Variants in CREB5 observed in about 807,000 individuals in gnomAD.
CREB5 encodes the protein cyclic AMP-responsive element-binding protein 5.
In CREB5, 19 loss-of-function variants were observed where a neutral mutation model predicts 57.1. That is an observed-to-expected ratio of 0.33 (90% CI 0.23 to 0.49). CREB5 has a LOEUF of 0.49. Among genes scored for constraint, CREB5 ranks in the 20% least tolerant of loss-of-function variants. The pLI, the probability that CREB5 is intolerant of heterozygous loss-of-function variation, is 0.99. For synonymous variants in CREB5, 238 were observed against 238.3 expected, an observed-to-expected ratio of 1.00 and a Z score of 0.01; for missense variants, 579 against 671.6, an observed-to-expected ratio of 0.86 and a Z score of 1.52.
At chr7:28,648,319 G>C (rs1049477530) in intron 5 of CREB5, among the ~76,000 whole-genome samples, 2 of 152,128 alleles carry the variant, frequency 1.3e-5, no homozygotes, top group Admixed American at 1.3e-4. Context: ...AAAGACAATG[G>C]GATTTAGCCT....
Position 28,560,911 on chromosome 7 carries a change from TGTGCGTGTGTGCGCGTGC to T in CREB5, c.292-9450_292-9433del, listed in dbSNP as rs1484507934. Reference sequence around the variant, plus strand: ...GCGTGTGTGTGCGTGCGCGCGTGCGTGTGCGTGTGTGCGCGTGCGTGTGTGCGTGCGTGTGTGTGCGTG... The same window carrying T: ...GCGTGTGTGTGCGTGCGCGCGTGCGTGTGTGTGCGTGCGTGTGTGTGCGTG... On this transcript the variant is annotated intron_variant, in intron 4 of 10. Coordinates refer to ENST00000357727, the MANE Select transcript of CREB5 (RefSeq NM_182898.4). 2.9e-3 allele frequency among the ~76,000 whole-genome samples: 104 copies of T among 36,016 alleles called. 8 individuals carry two copies. The highest frequency in any genetic ancestry group is 0.026 in the Middle Eastern group (2 of 76). 23.6% of individuals were successfully genotyped at this position (36,016 alleles called of 152,430 possible).
intron 1 of CREB5, among the ~76,000 whole-genome samples, chr7:28,454,944 C>T (rs1010271276): frequency 1.3e-5 from 2 of 152,152 alleles, no homozygotes; most frequent in Non-Finnish European, 2.9e-5. Context: ...AGCACACCAC[C>T]TCATTTGTCC....
At chr7:28,711,993 A>G (rs1017420002) in intron 5 of CREB5, among the ~76,000 whole-genome samples, 2 of 152,186 alleles carry the variant, frequency 1.3e-5, no homozygotes, top group Non-Finnish European at 2.9e-5. Context: ...CATGAGATAA[A>G]TATCTCTATC....
intron 1 of CREB5, among the ~76,000 whole-genome samples, chr7:28,462,528 A>G (rs1045411681): frequency 2.6e-5 from 4 of 152,166 alleles, no homozygotes; most frequent in African/African-American, 9.7e-5. Context: ...GCCCCGTTTT[A>G]CAAACCCACC....
chr7:28,634,996 G>A (rs940090439), intron 5 of CREB5, among the ~76,000 whole-genome samples: 1 of 152,172 alleles, frequency 6.6e-6, no homozygotes, highest in Non-Finnish European at 1.5e-5. Flanking sequence ...GAAATTTGGA[G>A]GCAGGTAGTC....
At chr7:28,721,591 A>T (rs1379810286) in intron 6 of CREB5, among the ~76,000 whole-genome samples, 2 of 152,204 alleles carry the variant, frequency 1.3e-5, no homozygotes, top group Non-Finnish European at 2.9e-5. Context: ...ACTGATTTGT[A>T]ATGCATGCTG....
At chr7:28,787,099 G>A (rs1044502434) in intron 7 of CREB5, among the ~76,000 whole-genome samples, 1 of 152,152 alleles carries the variant, frequency 6.6e-6, no homozygotes, top group African/African-American at 2.4e-5. Context: ...GTGCAAATGA[G>A]AAGGTTGGCA....
At chr7:28,307,544 G>T (rs1232936068) in intron 1 of CREB5, among the ~76,000 whole-genome samples, 1 of 152,182 alleles carries the variant, frequency 6.6e-6, no homozygotes. Flanking sequence ...AAATTACCCA[G>T]TCTAAGGTGT....
rs182476663 is a variant in CREB5 at position 28,682,687 on chromosome 7, G to A, written c.465-36066G>A. ...AATAAATTCAAACCTAAAAGTGGGG[G>A]GGGGGGGAAACCCCAGCTCTCTCTA... On this transcript the variant is annotated intron_variant, in intron 5 of 10. Coordinates refer to ENST00000357727, the MANE Select transcript of CREB5 (RefSeq NM_182898.4). 4.0e-4 allele frequency among the ~76,000 whole-genome samples: 59 copies of A among 147,752 alleles called. 2 individuals carry two copies. Among genetic ancestry groups the A allele is most frequent in the East Asian group, 1.2e-3 (6 of 5,166 alleles).
intron 9 of CREB5, among the ~76,000 whole-genome samples, chr7:28,814,713 T>G (rs1809326652): frequency 6.6e-6 from 1 of 152,156 alleles, no homozygotes; most frequent in Non-Finnish European, 1.5e-5. Context: ...AACCATCGTG[T>G]TTTATACTTG....
At chr7:28,374,133 G>T (rs970004069) in intron 1 of CREB5, among the ~76,000 whole-genome samples, 1 of 152,098 alleles carries the variant, frequency 6.6e-6, no homozygotes, top group Admixed American at 6.6e-5. Flanking sequence ...TACATTATTA[G>T]TCATCCAGAA....
rs1321411615 is a variant in CREB5, at chr7:28,570,370, C to T, written c.297C>T (p.Ile99=). The change falls in exon 5 of 11, where the codon ATC becomes ATT. Residue 99 remains isoleucine, a synonymous_variant. Transcript: ENST00000357727. ...AQEEESSKRN[I]SMHNAVGGAM... ...CCTGTGTCTTCTCTGGGCAGAATAT[C>T]TCGATGCATAATGCAGTTGGTGGGG... 1.9e-6 allele frequency: 3 copies of T among 1,612,932 alleles called. No homozygotes were observed. In the South Asian group the frequency reaches 3.3e-5, roughly 18 times the overall value.
At chr7:28,510,884 G>A (rs79642721) in intron 4 of CREB5, among the ~76,000 whole-genome samples, 1 of 152,070 alleles carries the variant, frequency 6.6e-6, no homozygotes. Context: ...TCACTATCAG[G>A]TATCATAAAT....
intron 1 of CREB5, among the ~76,000 whole-genome samples, chr7:28,311,782 T>A (rs1785281772): frequency 1.3e-5 from 2 of 152,206 alleles, no homozygotes; most frequent in South Asian, 4.1e-4. Flanking sequence ...TTGAAGACCC[T>A]GACTAAACTA....
intron 1 of CREB5, among the ~76,000 whole-genome samples, chr7:28,339,565 G>A (rs1308318610): frequency 6.6e-6 from 1 of 152,056 alleles, no homozygotes; most frequent in Non-Finnish European, 1.5e-5. Flanking sequence ...CCACTACTTG[G>A]GCTGTGCTGG....
At chr7:28,365,138 T>C (rs1251964275) in intron 1 of CREB5, among the ~76,000 whole-genome samples, 2 of 152,192 alleles carry the variant, frequency 1.3e-5, no homozygotes, top group African/African-American at 2.4e-5. Context: ...AGAATAACAG[T>C]CTCAAACATT....
rs541077683 is a variant in CREB5 at position 28,815,740 on chromosome 7, G to T, written c.1255-2331G>T. Among the ~76,000 whole-genome samples, 104 of 152,250 alleles carry T rather than the reference G, an allele frequency of 6.8e-4. 4 individuals are homozygous for T. The South Asian group carries it at 0.021, about 31-fold the overall frequency. On this transcript the variant is annotated intron_variant, in intron 9 of 10. Transcript: ENST00000357727. ...TTTCATTGCCCAGGACATAGTGGGG[G>T]AAGAAATGGAGACTAAATTCAACCT...
At chr7:28,716,897 C>A (rs1236437695) in intron 5 of CREB5, among the ~76,000 whole-genome samples, 2 of 152,108 alleles carry the variant, frequency 1.3e-5, no homozygotes, top group Non-Finnish European at 2.9e-5. Context: ...TCAATCTATA[C>A]TCCAGAGTTC....
chr7:28,522,386 C>CTTT (rs1793241848), intron 4 of CREB5, among the ~76,000 whole-genome samples: 1 of 125,928 alleles, frequency 7.9e-6, no homozygotes, highest in African/African-American at 3.2e-5. Context: ...ATATCCTGCT[C>CTTT]TTTGTTTTTT....
Sources: allele counts gnomAD v4.1 joint callset (sites outside exome capture counted in the v4.1 genomes callset), GRCh38; gene constraint gnomAD v4.1.1; transcripts MANE v1.5; gene names NCBI Gene and HGNC (gene_info 2026-07-23, HGNC 2026-07-21).